The following CTNNA3 variants were observed in gnomAD, a reference collection of about 807,000 sequenced individuals.
The protein encoded by CTNNA3 is catenin alpha 3.
CTNNA3 carries 76 observed loss-of-function variants against 95.7 expected under a neutral mutation model. The ratio of observed to expected loss-of-function variants is 0.79; its 90% confidence interval spans 0.66 to 0.96. The LOEUF (loss-of-function observed/expected upper bound fraction) is 0.96, where lower values mean the gene tolerates loss of function less well. CTNNA3 is among the 40% of genes least tolerant of loss of function. CTNNA3 has a pLI of 0.00. For synonymous variants in CTNNA3, 431 were observed against 374.4 expected (o/e 1.15, Z -1.74); for missense variants, 1,191 against 1,089.8 (o/e 1.09, Z -1.31).
chr10:67,755,133 C>T lies in CTNNA3; in HGVS notation c.-2+8301G>A, dbSNP rs534744474. ...ACTTGAGCCCAAGAGTTCAAGGCCG[C>T]GGTGACCTATGATCACTCCACTGCA... On this transcript the variant is annotated intron_variant, in intron 1 of 17. Coordinates refer to the CTNNA3 transcript ENST00000684154. Among the ~76,000 whole-genome samples the T allele has an allele frequency of 5.4e-4, 82 of 151,296 alleles. 1 individual carries two copies. The highest frequency in any genetic ancestry group is 1.9e-3 in the African/African-American group (77 of 41,200).
intron 2 of CTNNA3, among the ~76,000 whole-genome samples, chr10:67,615,350 C>T (rs929112495): frequency 5.3e-5 from 8 of 152,182 alleles, no homozygotes; most frequent in Admixed American, 1.3e-4. Context: ...GTGTCAAACA[C>T]ATAAGCAGTT....
chr10:66,733,173 AAAG>A (rs770458441), intron 9 of CTNNA3, among the ~76,000 whole-genome samples: 10 of 151,920 alleles, frequency 6.6e-5, no homozygotes, highest in African/African-American at 2.4e-4. Context: ...TTTAGAAAAA[AAAG>A]AAGAAAAAAC....
intron 7 of CTNNA3, among the ~76,000 whole-genome samples, chr10:67,150,589 C>T (rs887458600): frequency 6.6e-6 from 1 of 152,028 alleles, no homozygotes; most frequent in Admixed American, 6.6e-5. Flanking sequence ...GGTTCTAAAC[C>T]AGAAAATATA....
intron 10 of CTNNA3, among the ~76,000 whole-genome samples, chr10:66,590,377 C>T (rs1025957912): frequency 1.3e-5 from 2 of 152,074 alleles, no homozygotes; most frequent in Non-Finnish European, 2.9e-5. Context: ...TATGAAATCA[C>T]CCGTACCAGA....
chr10:67,101,384 T>G (rs1034134205), intron 7 of CTNNA3, among the ~76,000 whole-genome samples: 1 of 151,760 alleles, frequency 6.6e-6, no homozygotes, highest in Non-Finnish European at 1.5e-5. Flanking sequence ...TCTTTTTTTC[T>G]TTTGGCAAGA....
intron 13 of CTNNA3, among the ~76,000 whole-genome samples, chr10:66,152,927 C>A (rs2084278782): frequency 6.6e-6 from 1 of 151,662 alleles, no homozygotes; most frequent in Admixed American, 6.6e-5. Flanking sequence ...ATTTTTTGTG[C>A]CTCATTCTCA....
intron 7 of CTNNA3, among the ~76,000 whole-genome samples, chr10:66,954,940 G>A (rs963870859): frequency 1.3e-5 from 2 of 152,072 alleles, no homozygotes; most frequent in African/African-American, 2.4e-5. Context: ...TATATAAAAC[G>A]GAAGTAATAA....
intron 7 of CTNNA3, among the ~76,000 whole-genome samples, chr10:66,812,468 A>G (rs551311499): frequency 6.6e-6 from 1 of 152,266 alleles, no homozygotes; most frequent in East Asian, 1.9e-4. Flanking sequence ...ATGGTTAAAT[A>G]TTTATGAACT....
intron 13 of CTNNA3, among the ~76,000 whole-genome samples, chr10:66,147,119 T>C (rs1478889143): frequency 1.3e-5 from 2 of 152,072 alleles, no homozygotes; most frequent in African/African-American, 2.4e-5. Context: ...ATCTGGGGTA[T>C]GGGGAACAGT....
chr10:66,412,624 T>A (rs896080121), intron 11 of CTNNA3, among the ~76,000 whole-genome samples: 6 of 151,998 alleles, frequency 3.9e-5, no homozygotes, highest in African/African-American at 1.4e-4. Flanking sequence ...CATGCCCAGC[T>A]AATTTTTTGC....
chr10:66,065,301 T>C (rs566241280), intron 15 of CTNNA3, among the ~76,000 whole-genome samples: 2 of 152,212 alleles, frequency 1.3e-5, no homozygotes, highest in South Asian at 4.1e-4. Flanking sequence ...GCTATAGCTT[T>C]TTATTCCCCT....
At chr10:66,383,822 C>T (rs1256044592) in intron 11 of CTNNA3, among the ~76,000 whole-genome samples, 10 of 152,100 alleles carry the variant, frequency 6.6e-5, no homozygotes, top group Admixed American at 2.6e-4. Flanking sequence ...ATTTTCAACC[C>T]AGAATTTCAT....
intron 7 of CTNNA3, among the ~76,000 whole-genome samples, chr10:66,874,598 A>G (rs1390640932): frequency 1.3e-5 from 2 of 152,204 alleles, no homozygotes; most frequent in African/African-American, 4.8e-5. Context: ...ACCCACATGC[A>G]GTATGAATAT....
intron 1 of CTNNA3, among the ~76,000 whole-genome samples, chr10:67,723,073 G>C (rs1841189463): frequency 6.8e-6 from 1 of 146,838 alleles, no homozygotes; most frequent in Non-Finnish European, 1.5e-5. Context: ...CACAACTTCT[G>C]CCTCCTGGGT....
At chr10:67,212,889 A>G (rs537848607) in intron 6 of CTNNA3, among the ~76,000 whole-genome samples, 1 of 151,986 alleles carries the variant, frequency 6.6e-6, no homozygotes, top group South Asian at 2.1e-4. Context: ...TTAGATTGGC[A>G]TGTGAATTTC....
chr10:67,085,136 T>C (rs1049836159), intron 7 of CTNNA3, among the ~76,000 whole-genome samples: 11 of 151,948 alleles, frequency 7.2e-5, no homozygotes, highest in African/African-American at 2.4e-4. Flanking sequence ...AATAATTACA[T>C]TGTTAATGAG....
chr10:67,265,092 C>G (rs984266127), intron 5 of CTNNA3, among the ~76,000 whole-genome samples: 4 of 152,152 alleles, frequency 2.6e-5, no homozygotes, highest in African/African-American at 9.6e-5. Flanking sequence ...AAACCCTGTA[C>G]ACCAGCTCAT....
chr10:66,035,537 A>ATT (rs3884199), intron 15 of CTNNA3, among the ~76,000 whole-genome samples: 5,176 of 147,174 alleles, frequency 0.035, 283 homozygotes, highest in African/African-American at 0.12. Flanking sequence ...GAATGAGGGT[A>ATT]TTTTTTTTTT....
chr10:66,779,315 G>C (rs1840435324), intron 7 of CTNNA3, among the ~76,000 whole-genome samples: 1 of 150,284 alleles, frequency 6.7e-6, no homozygotes, highest in South Asian at 2.1e-4. Context: ...TACTTTTCTT[G>C]TTATGGACTC....
Sources: gnomAD v4.1 joint callset for allele counts (sites outside exome capture counted in the v4.1 genomes callset) on GRCh38, gnomAD v4.1.1 for gene constraint, MANE v1.5 for transcripts, NCBI Gene and HGNC (gene_info 2026-07-23, HGNC 2026-07-21) for gene names.